Variants in NAALADL2 observed in about 807,000 individuals in gnomAD.
The protein encoded by NAALADL2 is inactive N-acetylated-alpha-linked acidic dipeptidase-like protein 2.
In NAALADL2, 76 loss-of-function variants were observed where a neutral mutation model predicts 87.2. The ratio of observed to expected loss-of-function variants is 0.87; its 90% CI spans 0.72 to 1.05. The LOEUF is 1.05. Ranked by LOEUF, NAALADL2 falls within the 50% of genes least tolerant of loss-of-function variation. The pLI is 0.00. For synonymous variants in NAALADL2, 354 were observed against 331.0 expected, an observed-to-expected ratio of 1.07 and a Z score of -0.75; for missense variants, 1,089 against 945.8, an observed-to-expected ratio of 1.15 and a Z score of -1.99.
intron 2 of NAALADL2, among the ~76,000 whole-genome samples, chr3:174,697,743 T>A (rs1476600062): frequency 6.6e-6 from 1 of 152,200 alleles, no homozygotes; most frequent in Non-Finnish European, 1.5e-5. Flanking sequence ...ATGTAAAAAC[T>A]TGAAACTAAA....
At chr3:174,984,418 A>ATT (rs11285535) in intron 1 of NAALADL2, among the ~76,000 whole-genome samples, 1 of 148,604 alleles carries the variant, frequency 6.7e-6, no homozygotes, top group Non-Finnish European at 1.5e-5. Flanking sequence ...AGCTTGTTTA[A>ATT]TTTTTTTTTT....
chr3:175,504,343 T>A (rs747040007), intron 9 of NAALADL2, among the ~76,000 whole-genome samples: 1 of 152,144 alleles, frequency 6.6e-6, no homozygotes, highest in Non-Finnish European at 1.5e-5. Flanking sequence ...TGTGATGACA[T>A]GAATTTTGGG....
intron 11 of NAALADL2, among the ~76,000 whole-genome samples, chr3:175,684,762 C>T (rs144121073): frequency 2.8e-4 from 42 of 152,210 alleles, no homozygotes; most frequent in African/African-American, 1.0e-3. Context: ...ATGACCGCAC[C>T]ACTGCACTCC....
At chr3:174,844,309 G>A (rs1054073208) in intron 3 of NAALADL2, among the ~76,000 whole-genome samples, 3 of 152,110 alleles carry the variant, frequency 2.0e-5, no homozygotes, top group Non-Finnish European at 2.9e-5. Context: ...ATAGGTAGGC[G>A]AATTTATTTC....
At position 175,590,210 on chromosome 3, in the gene NAALADL2, T is replaced by TAA. The variant is rs1560811026; in HGVS notation, c.1800+14024_1800+14025dup. On this transcript the variant is annotated intron_variant, in intron 10 of 13. Coordinates refer to ENST00000454872, the MANE Select transcript of NAALADL2 (RefSeq NM_207015.3). ...CTGGGCGACAGAGCGAGACTCCGTC[T>TAA]AATATATATATATATATATATATAT... 4.8e-4 allele frequency among the ~76,000 whole-genome samples: 3 copies of TAA among 6,286 alleles called. 1 individual carries two copies. Among genetic ancestry groups the TAA allele is most frequent in the African/African-American group, 2.5e-3 (3 of 1,184 alleles). The allele number at this position is 6,286 out of a possible 152,430, so 4.1% of individuals were successfully genotyped here.
intron 2 of NAALADL2, among the ~76,000 whole-genome samples, chr3:174,688,502 A>T (rs1411379938): frequency 3.3e-5 from 5 of 152,064 alleles, no homozygotes; most frequent in Non-Finnish European, 7.4e-5. Flanking sequence ...GCTTTAAATG[A>T]GTTAATATAC....
intron 2 of NAALADL2, among the ~76,000 whole-genome samples, chr3:174,653,437 C>G (rs1724586743): frequency 6.6e-6 from 1 of 152,094 alleles, no homozygotes; most frequent in Non-Finnish European, 1.5e-5. Flanking sequence ...AAAGCAGGCA[C>G]TGGAGTGGAA....
At chr3:175,317,544 A>C (rs1759311981) in intron 4 of NAALADL2, among the ~76,000 whole-genome samples, 1 of 152,022 alleles carries the variant, frequency 6.6e-6, no homozygotes, top group Non-Finnish European at 1.5e-5. Flanking sequence ...ACTTCCTTAG[A>C]TGTTCACAGA....
chr3:175,196,162 A>G (rs1041941464), intron 2 of NAALADL2, among the ~76,000 whole-genome samples: 19 of 152,054 alleles, frequency 1.2e-4, no homozygotes, highest in African/African-American at 4.3e-4. Flanking sequence ...CATCTTTTTT[A>G]TATAATCAAA....
chr3:175,013,080 A>T (rs573457358), intron 1 of NAALADL2, among the ~76,000 whole-genome samples: 1,458 of 79,186 alleles, frequency 0.018, 173 homozygotes, highest in East Asian at 0.086. Context: ...TAAATATGTA[A>T]TACATATTTA....
rs551823165 is a variant in NAALADL2, at chr3:174,945,437, A to C, written c.43+85987A>C. On this transcript the variant is annotated intron_variant, in intron 1 of 13. Coordinates refer to ENST00000454872, the MANE Select transcript of NAALADL2 (RefSeq NM_207015.3). Reference sequence around the variant, plus strand: ...TTATCTGAGATTTGGCCTACATTTAAAATTCTAATCTTGAATCCCTGGGGC... The same window carrying C: ...TTATCTGAGATTTGGCCTACATTTACAATTCTAATCTTGAATCCCTGGGGC... Among the ~76,000 whole-genome samples the C allele has an allele frequency of 3.8e-4, 58 of 152,268 alleles. 3 individuals carry two copies. Among genetic ancestry groups the C allele is most frequent in the African/African-American group, 1.3e-3 (55 of 41,566 alleles).
At chr3:174,930,656 C>G (rs1736742164) in intron 1 of NAALADL2, among the ~76,000 whole-genome samples, 1 of 82,378 alleles carries the variant, frequency 1.2e-5, no homozygotes, top group African/African-American at 4.5e-5. Flanking sequence ...GAGTCTCACT[C>G]TGTGACCCAG....
intron 1 of NAALADL2, among the ~76,000 whole-genome samples, chr3:174,458,158 T>A (rs114087528): frequency 0.01 from 1,591 of 152,322 alleles, 32 homozygotes; most frequent in African/African-American, 0.035. Context: ...TGAATTTTTT[T>A]AATTTATAAA....
intron 9 of NAALADL2, among the ~76,000 whole-genome samples, chr3:175,504,565 T>TTCTC (rs200985901): frequency 0.01 from 1,375 of 134,292 alleles, 15 homozygotes; most frequent in Non-Finnish European, 0.016. Context: ...CTCTCTCTGT[T>TTCTC]TCTCTCTCTC....
intron 2 of NAALADL2, among the ~76,000 whole-genome samples, chr3:175,232,237 G>GAAGAAGAAAGAAGAAAGAAGA (rs60219054): frequency 2.0e-5 from 3 of 149,342 alleles, no homozygotes; most frequent in African/African-American, 5.0e-5. Flanking sequence ...AGAGGAAGAG[G>GAAGAAGAAAGAAGAAAGAAGA]AAGAAGAAAG....
At chr3:175,779,893 T>G (rs1174659865) in intron 13 of NAALADL2, among the ~76,000 whole-genome samples, 1 of 152,182 alleles carries the variant, frequency 6.6e-6, no homozygotes, top group Non-Finnish European at 1.5e-5. Context: ...TTTATTCCTA[T>G]CACATGTAAT....
chr3:175,081,732 T>C (rs1717870829), intron 1 of NAALADL2, among the ~76,000 whole-genome samples: 1 of 152,216 alleles, frequency 6.6e-6, no homozygotes, highest in East Asian at 1.9e-4. Flanking sequence ...TTCTGATTTC[T>C]TAACGATAGA....
intron 11 of NAALADL2, among the ~76,000 whole-genome samples, chr3:175,726,661 T>C (rs1742961894): frequency 6.6e-6 from 1 of 152,112 alleles, no homozygotes; most frequent in Non-Finnish European, 1.5e-5. Context: ...TTGTCTTCCT[T>C]GTCTCTCCTT....
intron 1 of NAALADL2, among the ~76,000 whole-genome samples, chr3:175,085,510 T>G (rs1718710367): frequency 6.6e-6 from 1 of 152,122 alleles, no homozygotes; most frequent in Admixed American, 6.6e-5. Flanking sequence ...GTGTTATAAA[T>G]TACTCAGGAA....
Sources: allele counts gnomAD v4.1 joint callset (sites outside exome capture counted in the v4.1 genomes callset), GRCh38; gene constraint gnomAD v4.1.1; transcripts MANE v1.5; gene names NCBI Gene and HGNC (gene_info 2026-07-23, HGNC 2026-07-21).